Variants in CPSF1 observed in about 807,000 individuals in gnomAD.
CPSF1 encodes cleavage and polyadenylation specificity factor subunit 1.
CPSF1 carries 106 observed loss-of-function variants against 175.8 expected under a neutral mutation model. The ratio of observed to expected loss-of-function variants is 0.60; its 90% CI spans 0.52 to 0.71. The LOEUF is 0.71. CPSF1 is among the 30% of genes least tolerant of loss of function. CPSF1 has a pLI of 0.00. For synonymous variants in CPSF1, 1,024 were observed against 858.3 expected, an observed-to-expected ratio of 1.19 and a Z score of -3.37; for missense variants, 1,734 against 2,022.9, an observed-to-expected ratio of 0.86 and a Z score of 2.74.
rs2116880153 is a variant in CPSF1 at position 144,400,991 on chromosome 8, G to A, written c.472C>T (p.Arg158Trp). The A allele has an allele frequency of 1.1e-5, 17 of 1,610,346 alleles. No homozygotes were observed. The highest frequency in any genetic ancestry group is 4.4e-5 in the South Asian group (4 of 90,922). ...RCAAMLVYGT[R>W]LVVLPFRRES... ...CTGCGGAAGGGCAGGACCACCAGCC[G>A]CGTGCCGTAGACAAGCATGGCTGCA... The change falls in exon 6 of 38, where the codon CGG (arginine) becomes TGG (tryptophan). Residue 158 changes from arginine to tryptophan, a missense_variant. This residue lies in a region of CPSF1 where 122 missense variants were observed against 177.2 expected (regional missense o/e 0.69). Coordinates refer to ENST00000616140, the MANE Select transcript of CPSF1 (RefSeq NM_013291.3).
rs368926825 is a variant in CPSF1, at chr8:144,394,047, G to A, written c.3860-9C>T. 3.7e-6 allele frequency: 6 copies of A among 1,610,646 alleles called. No individual in the cohort carries two copies. The highest frequency in any genetic ancestry group is 1.7e-5 in the Admixed American group (1 of 59,828). On this transcript the variant is annotated splice_polypyrimidine_tract_variant and intron_variant, in intron 34 of 37. Transcript: ENST00000616140. The stretch of plus-strand genomic sequence containing the variant: ...CCCGAAACTCTCCTTGGCTAGACCA[G>A]AAAGGCCTAGGGGTCACTGCTAGCC...
Position 144,397,420 on chromosome 8 carries a change from G to T in CPSF1, c.2386-7C>A. On this transcript the variant is annotated splice_region_variant and splice_polypyrimidine_tract_variant and intron_variant, in intron 22 of 37. Coordinates refer to ENST00000616140, the MANE Select transcript of CPSF1 (RefSeq NM_013291.3). Reference sequence around the variant, plus strand: ...AGTCGGGAAGCTGGTAGATCTGCAGGGTGGGCAGCAGTCAGTGGAGGCAGG... The same window carrying T: ...AGTCGGGAAGCTGGTAGATCTGCAGTGTGGGCAGCAGTCAGTGGAGGCAGG... 6.3e-7 allele frequency: 1 copy of T among 1,576,484 alleles called. No individual in the cohort carries two copies. Among genetic ancestry groups the T allele is most frequent in the Non-Finnish European group, 8.6e-7 (1 of 1,160,844 alleles).
Position 144,397,749 on chromosome 8 carries a change from T to A in CPSF1, c.2204A>T (p.Glu735Val). Residue 735 changes from glutamate (E) to valine (V), a missense_variant, in exon 21 of 38, where the codon GAG becomes GTG. Coordinates refer to ENST00000616140, the MANE Select transcript of CPSF1 (RefSeq NM_013291.3). ...GCCCCCAGCCCCCACGCACCTAGTC[T>A]CTGAGCCCAGGCCCTCGGCCTCCGG... Reference protein sequence around the residue: ...SGPEAEGLGSETSPTVDDEEE... With the variant: ...SGPEAEGLGSVTSPTVDDEEE... 1 of 1,603,060 alleles carries A rather than the reference T, an allele frequency of 6.2e-7. No homozygotes were observed. Among genetic ancestry groups the A allele is most frequent in the South Asian group, 1.1e-5 (1 of 90,760 alleles).
intron 4 of CPSF1, 53 bp from the exon 5 acceptor site, chr8:144,401,344 G>A (rs112783898): frequency 1.7e-5 from 27 of 1,606,622 alleles, no homozygotes; most frequent in African/African-American, 1.1e-4. Flanking sequence ...TGACAGTGTC[G>A]CCCCCGGCAA....
chr8:144,405,804 A>C (rs13258200), intron 2 of CPSF1, among the ~76,000 whole-genome samples: 58,148 of 151,930 alleles, frequency 0.38, 11,604 homozygotes, highest in East Asian at 0.65. Flanking sequence ...GAGTTCCTGC[A>C]AGAAGCTCAA....
chr8:144,402,906 G>A (rs1821296573), intron 2 of CPSF1, among the ~76,000 whole-genome samples: 1 of 152,148 alleles, frequency 6.6e-6, no homozygotes, highest in Non-Finnish European at 1.5e-5. Flanking sequence ...TGACAAGCAG[G>A]GGTATTGTAA....
intron 26 of CPSF1, 199 bp from the exon 27 acceptor site, chr8:144,395,750 C>T (rs782311600): frequency 1.2e-5 from 7 of 604,428 alleles, no homozygotes; most frequent in East Asian, 8.2e-5. Flanking sequence ...TTTTCCCACG[C>T]TCAGCTGGGG....
At position 144,398,631 on chromosome 8, in the gene CPSF1, T is replaced by C. The variant is rs1304092453; in HGVS notation, c.1646A>G (p.Asn549Ser). Residue 549 changes from asparagine to serine, a missense_variant, in exon 18 of 38, where the codon AAT (asparagine) becomes AGT (serine). Asn to Ser is a conservative substitution (Grantham distance 46). Transcript: ENST00000616140. ...CTGCTCTGTGCCCTCCCCCTTGGGA[T>C]TGTCCTCCTGTCAGGGCCAAAGGGG... ...IAPVRKEEED[N>S]PKGEGTEQEP... 5.6e-6 allele frequency: 9 copies of C among 1,613,660 alleles called. No homozygotes were observed. The East Asian group carries it at 1.3e-4, about 24-fold the overall frequency.
At position 144,395,091 on chromosome 8, in the gene CPSF1, G is replaced by A. The variant is rs549886183; in HGVS notation, c.3272+7C>T. ...GGCAGACCCCACCCCCGCCGGCCCA[G>A]CCTCACCTGGCATTGGGAATAGCCT... On this transcript the variant is annotated splice_region_variant and intron_variant, in intron 29 of 37. Transcript: ENST00000616140. The A allele has an allele frequency of 5.0e-6, 8 of 1,608,066 alleles. No individual in the cohort carries two copies. Among genetic ancestry groups the A allele is most frequent in the South Asian group, 4.4e-5 (4 of 90,528 alleles).
Position 144,395,259 on chromosome 8 carries a change from C to G in CPSF1, c.3187+6G>C. On this transcript the variant is annotated splice_donor_region_variant and intron_variant, in intron 28 of 37. Coordinates refer to ENST00000616140, the MANE Select transcript of CPSF1 (RefSeq NM_013291.3). The stretch of plus-strand genomic sequence containing the variant: ...GAGGATGGGAGTATGGTGTGGGCGT[C>G]ACCACCTCTCTCGATGGTCTCAAAC... The G allele has an allele frequency of 6.2e-7, 1 of 1,612,926 alleles. No individual in the cohort carries two copies.
In CPSF1 at chr8:144,398,789, C is replaced by G. The variant is rs2116854914; in HGVS notation, c.1628G>C (p.Arg543Pro). 4 of 1,598,416 alleles carry G rather than the reference C, an allele frequency of 2.5e-6. No homozygotes were observed. The highest frequency in any genetic ancestry group is 1.1e-5 in the South Asian group (1 of 89,370). The change falls in exon 17 of 38, where the codon CGT becomes CCT. Residue 543 changes from arginine to proline, a missense_variant. Arg to Pro is a moderately radical substitution (Grantham distance 103, BLOSUM62 -2). Coordinates refer to ENST00000616140, the MANE Select transcript of CPSF1 (RefSeq NM_013291.3). The part of the protein sequence containing the change: ...YDMWTVIAPV[R>P]KEEEDNPKGE... ...CAGGCTCGCACCTACCTCCTCCTTA[C>G]GCACCGGGGCGATGACTGTCCACAT...
intron 26 of CPSF1, chr8:144,396,100 C>A (rs1399928159): frequency 3.6e-6 from 2 of 550,726 alleles, no homozygotes; most frequent in African/African-American, 3.8e-5. Flanking sequence ...CGAGGGCTTG[C>A]CCGGCGAGCC....
intron 9 of CPSF1, 31 bp downstream of exon 9, chr8:144,400,135 G>GGGGGGGCCCCCCCCCCCCCCCCCCC: frequency 5.6e-6 from 5 of 895,988 alleles, no homozygotes; most frequent in Non-Finnish European, 8.0e-6. Flanking sequence ...CCGTCCCCGG[G>GGGGGGGCCCCCCCCCCCCCCCCCCC]CCCCCCCCGC....
chr8:144,405,820 C>T (rs1564699063), intron 2 of CPSF1, among the ~76,000 whole-genome samples: 1 of 152,130 alleles, frequency 6.6e-6, no homozygotes, highest in Non-Finnish European at 1.5e-5. Context: ...CTCAACTACA[C>T]CAACACCACC....
chr8:144,395,897 G>C lies in CPSF1; in HGVS notation c.2980-346C>G, dbSNP rs892960735. 1.8e-5 allele frequency: 8 copies of C among 438,050 alleles called. 1 individual carries two copies. The Admixed American group carries it at 2.6e-4, about 14-fold the overall frequency. The allele number at this position is 438,050 out of a possible 1,614,324, so 27.1% of individuals were successfully genotyped here. On this transcript the variant is annotated intron_variant, in intron 26 of 37. Coordinates refer to ENST00000616140, the MANE Select transcript of CPSF1 (RefSeq NM_013291.3). ...CCAGGGCTGCCCTCTTTCATGGACA[G>C]TCCTGAGTCCTCAGGCACCCAGGAA...
In CPSF1 at chr8:144,396,366, G is replaced by A. The variant is rs1554863691; in HGVS notation, c.2961C>T (p.Phe987=). The part of the protein sequence containing the change: ...PFHNVNCPRG[F]LYFNRQGELR... ...GCCCCACCTGTCTGTTGAAGTACAG[G>A]AAGCCGCGGGGACAGTTGACATTGT... Residue 987 remains phenylalanine (F), a synonymous_variant, in exon 26 of 38, where the codon TTC becomes TTT. Coordinates refer to ENST00000616140, the MANE Select transcript of CPSF1 (RefSeq NM_013291.3). The A allele has an allele frequency of 1.3e-6, 2 of 1,587,114 alleles. No individual in the cohort carries two copies. Among genetic ancestry groups the A allele is most frequent in the South Asian group, 1.1e-5 (1 of 87,408 alleles).
chr8:144,394,831 G>A lies in CPSF1; in HGVS notation c.3415-35C>T, dbSNP rs782691599. On this transcript the variant is annotated intron_variant, in intron 30 of 37. Coordinates refer to ENST00000616140, the MANE Select transcript of CPSF1 (RefSeq NM_013291.3). ...ATGGGTATGGCTGTGGGATGGCTGTGGGGATGGCAGAGGGGCTGCCAGTTC... is the reference window on the plus strand; with the variant it reads ...ATGGGTATGGCTGTGGGATGGCTGTAGGGATGGCAGAGGGGCTGCCAGTTC... 6.2e-6 allele frequency: 10 copies of A among 1,612,820 alleles called. No individual in the cohort carries two copies. The East Asian group carries it at 1.8e-4, about 29-fold the overall frequency.
rs959062400 is a variant in CPSF1, at chr8:144,400,775, C to G, written c.582G>C (p.Arg194=). The G allele has an allele frequency of 2.5e-6, 4 of 1,613,758 alleles. No homozygotes were observed. Among genetic ancestry groups the G allele is most frequent in the Admixed American group, 3.3e-5 (2 of 59,988 alleles). The change falls in exon 7 of 38, where the codon CGG becomes CGC. Residue 194 remains arginine, a synonymous_variant. Transcript: ENST00000616140. ...SFLPSYIIDV[R]ALDEKLLNII... is the part of the protein sequence containing the mutation. ...TGTTGAGCAGCTTCTCGTCTAGGGCCCGCACGTCGATGATGTAGCTGGGCA... is the reference window on the plus strand; with the variant it reads ...TGTTGAGCAGCTTCTCGTCTAGGGCGCGCACGTCGATGATGTAGCTGGGCA...
chr8:144,398,383 G>A lies in CPSF1; in HGVS notation c.1813C>T (p.Pro605Ser), dbSNP rs2116849417. ...CCGATGTTCCCAGCAAAGACCGTGG[G>A]GCCCTGAGTGGCGAAGCCACTGGTG... ...LDTSGFATQGPTVFAGNIGDN... is the reference protein window; with the variant it reads ...LDTSGFATQGSTVFAGNIGDN... The change falls in exon 19 of 38, where the codon CCC becomes TCC. Residue 605 changes from proline to serine, a missense_variant. Coordinates refer to ENST00000616140, the MANE Select transcript of CPSF1 (RefSeq NM_013291.3). 1.9e-6 allele frequency: 3 copies of A among 1,613,372 alleles called. No individual in the cohort carries two copies. In the East Asian group the frequency reaches 6.7e-5, roughly 36 times the overall value.
Sources: allele counts gnomAD v4.1 joint callset (sites outside exome capture counted in the v4.1 genomes callset), GRCh38; gene constraint gnomAD v4.1.1; regional missense constraint gnomAD v4.1.1; transcripts MANE v1.5; gene names NCBI Gene and HGNC (gene_info 2026-07-23, HGNC 2026-07-21).